The following L3MBTL4 variants were observed in gnomAD, a reference collection of about 807,000 sequenced individuals.
L3MBTL4 encodes lethal(3)malignant brain tumor-like protein 4.
A neutral mutation model predicts 84.5 loss-of-function variants in L3MBTL4; 70 were observed. That is an observed-to-expected ratio of 0.83 (90% CI 0.68 to 1.01). L3MBTL4 has a LOEUF of 1.01. L3MBTL4 is among the 50% of genes least tolerant of loss of function. The probability of loss-of-function intolerance (pLI) is 0.00; values close to 1 mark genes in which losing one functional copy is unlikely to be tolerated. For synonymous variants in L3MBTL4, 274 were observed against 259.8 expected, an observed-to-expected ratio of 1.05 and a Z score of -0.52; for missense variants, 715 against 754.8, an observed-to-expected ratio of 0.95 and a Z score of 0.62.
intron 16 of L3MBTL4, among the ~76,000 whole-genome samples, chr18:6,006,390 A>G (rs2054489362): frequency 6.6e-6 from 1 of 152,246 alleles, no homozygotes; most frequent in East Asian, 1.9e-4. Context: ...GTCAAAGAAT[A>G]TCATACAAAG....
At chr18:6,243,486 C>A in intron 6 of L3MBTL4, 57 bp from the exon 7 acceptor site, 1 of 1,361,654 alleles carries the variant, frequency 7.3e-7, no homozygotes, top group Non-Finnish European at 9.9e-7. Context: ...GGAGTAGACA[C>A]AAAATTCACA....
chr18:6,292,881 A>ACCCTCTGCCATCACTCTGCC (rs778724106), intron 4 of L3MBTL4, among the ~76,000 whole-genome samples: 28,621 of 151,942 alleles, frequency 0.19, 2,800 homozygotes, highest in African/African-American at 0.24. Context: ...CTCCAACTCT[A>ACCCTCTGCCATCACTCTGCC]AGACTAGTTC....
chr18:6,216,932 G>A (rs1388395698), intron 10 of L3MBTL4, among the ~76,000 whole-genome samples: 1 of 152,076 alleles, frequency 6.6e-6, no homozygotes, highest in African/African-American at 2.4e-5. Flanking sequence ...ATAAAATAGA[G>A]TCAACAATTT....
At position 6,343,605 on chromosome 18, in the gene L3MBTL4, C is replaced by T. The variant is rs549823937; in HGVS notation, c.-90-31549G>A. On this transcript the variant is annotated intron_variant, in intron 1 of 18. Coordinates refer to ENST00000317931, the MANE Select transcript of L3MBTL4 (RefSeq NM_001330559.2). ...TGAACCCAAGAGGCAGAGCTTGCAG[C>T]GAGTCAAGATCGCACCACTGCACTC... Among the ~76,000 whole-genome samples the T allele has an allele frequency of 8.9e-5, 13 of 145,598 alleles. No individual in the cohort carries two copies. The South Asian group carries it at 1.9e-3, about 22-fold the overall frequency.
intron 4 of L3MBTL4, among the ~76,000 whole-genome samples, chr18:6,265,056 T>C (rs2048571961): frequency 6.6e-6 from 1 of 152,242 alleles, no homozygotes; most frequent in Admixed American, 6.5e-5. Context: ...GATATACTAC[T>C]AAGTAGGAAA....
At chr18:6,182,469 T>C (rs1364874786) in intron 12 of L3MBTL4, among the ~76,000 whole-genome samples, 1 of 152,200 alleles carries the variant, frequency 6.6e-6, no homozygotes. Flanking sequence ...TTTGCAAATA[T>C]TTTCTCCCAT....
chr18:6,142,339 A>G (rs2060223098), intron 13 of L3MBTL4, among the ~76,000 whole-genome samples: 1 of 152,222 alleles, frequency 6.6e-6, no homozygotes, highest in Non-Finnish European at 1.5e-5. Flanking sequence ...AAAGCAGCTT[A>G]TATATAAACA....
intron 1 of L3MBTL4, among the ~76,000 whole-genome samples, chr18:6,369,188 C>T (rs928282604): frequency 2.0e-5 from 3 of 152,122 alleles, no homozygotes; most frequent in East Asian, 1.9e-4. Flanking sequence ...CCCCCACATA[C>T]GGTTTGAGAG....
chr18:6,198,535 A>G (rs1235922953), intron 12 of L3MBTL4, among the ~76,000 whole-genome samples: 2 of 152,124 alleles, frequency 1.3e-5, no homozygotes, highest in East Asian at 3.9e-4. Flanking sequence ...AAAGACGTTA[A>G]TTTCTAGTGT....
chr18:6,092,279 G>T (rs539462568), intron 15 of L3MBTL4, among the ~76,000 whole-genome samples: 1 of 152,306 alleles, frequency 6.6e-6, no homozygotes, highest in East Asian at 1.9e-4. Context: ...CACAGTCCAG[G>T]ATGTAAAACC....
chr18:6,099,666 C>T (rs1478087955), intron 14 of L3MBTL4, among the ~76,000 whole-genome samples: 2 of 138,038 alleles, frequency 1.4e-5, no homozygotes, highest in East Asian at 4.6e-4. Context: ...ATTCCTGTGG[C>T]TGTAAAATCA....
In L3MBTL4 at chr18:6,346,698, T is replaced by C. The variant is rs1441694946; in HGVS notation, c.-90-34642A>G. 2.6e-5 allele frequency among the ~76,000 whole-genome samples: 4 copies of C among 151,976 alleles called. No homozygotes were observed. In the East Asian group the frequency reaches 7.7e-4, roughly 29 times the overall value. On this transcript the variant is annotated intron_variant, in intron 1 of 18. Transcript: ENST00000317931. ...TACATAATTTAGAAAAAATAATAAATATTGGCAAATATGTGGAGAAAAGGG... is the reference window on the plus strand; with the variant it reads ...TACATAATTTAGAAAAAATAATAAACATTGGCAAATATGTGGAGAAAAGGG...
At chr18:6,082,544 T>A (rs2058115004) in intron 15 of L3MBTL4, 1 of 152,056 alleles carries the variant, frequency 6.6e-6, no homozygotes. Context: ...TTTTGGCAAA[T>A]CTTTAGGTAT....
At chr18:6,235,229 T>A (rs546244154) in intron 10 of L3MBTL4, among the ~76,000 whole-genome samples, 2 of 152,194 alleles carry the variant, frequency 1.3e-5, no homozygotes, top group East Asian at 3.9e-4. Context: ...AATGACGAGT[T>A]AATGGGTGCA....
chr18:6,194,071 A>T (rs1181371890), intron 12 of L3MBTL4, among the ~76,000 whole-genome samples: 1 of 152,170 alleles, frequency 6.6e-6, no homozygotes, highest in Non-Finnish European at 1.5e-5. Context: ...GGGAACAAAG[A>T]TTGGAGCCTA....
chr18:6,397,761 T>C (rs1218824158), intron 1 of L3MBTL4: 3 of 152,240 alleles, frequency 2.0e-5, no homozygotes, highest in African/African-American at 7.2e-5. Context: ...GAGGCTGAGA[T>C]GGGAGGAACG....
intron 1 of L3MBTL4, among the ~76,000 whole-genome samples, chr18:6,373,649 T>A (rs2054251277): frequency 6.6e-6 from 1 of 152,168 alleles, no homozygotes; most frequent in South Asian, 2.1e-4. Flanking sequence ...TTAAACAGAT[T>A]ATGCACCGTA....
chr18:6,008,319 C>T (rs1213348571), intron 16 of L3MBTL4, among the ~76,000 whole-genome samples: 4 of 152,146 alleles, frequency 2.6e-5, no homozygotes, highest in East Asian at 1.9e-4. Flanking sequence ...TCTAGAGGCA[C>T]GTGACAGCTC....
chr18:6,330,939 G>A (rs1374598826), intron 1 of L3MBTL4, among the ~76,000 whole-genome samples: 3 of 152,120 alleles, frequency 2.0e-5, no homozygotes, highest in Admixed American at 6.5e-5. Context: ...CAATACACTA[G>A]GGGCTACAGA....
Sources: allele counts gnomAD v4.1 joint callset (sites outside exome capture counted in the v4.1 genomes callset), GRCh38; gene constraint gnomAD v4.1.1; transcripts MANE v1.5; gene names NCBI Gene and HGNC (gene_info 2026-07-23, HGNC 2026-07-21).